LINC00632: variants seen among roughly 807,000 people sequenced by gnomAD.
The protein encoded by LINC00632 is ALDOA related specific transcript.
At chrX:140,740,560 C>T (rs181964111) in intron 3 of LINC00632, among the ~76,000 whole-genome samples, 1 of 108,622 alleles carries the variant, frequency 9.2e-6, no homozygotes, top group East Asian at 2.9e-4. Flanking sequence ...TTTTTTGCAA[C>T]GAGAAGAATA....
chrX:140,790,073 G>A (rs970590523), exon 5 of LINC00632, among the ~76,000 whole-genome samples: 3 of 110,787 alleles, frequency 2.7e-5, no homozygotes, highest in African/African-American at 9.8e-5. Context: ...TTGAGATATC[G>A]TCTTTCTGTG....
chrX:140,720,682 T>C (rs1026827922), intron 2 of LINC00632, among the ~76,000 whole-genome samples: 1 of 112,173 alleles, frequency 8.9e-6, no homozygotes, highest in African/African-American at 3.2e-5. Context: ...TTATCGGACA[T>C]GTCCGTATAT....
chrX:140,762,953 G>A (rs896161024), intron 3 of LINC00632, among the ~76,000 whole-genome samples: 1 of 112,078 alleles, frequency 8.9e-6, no homozygotes, highest in Non-Finnish European at 1.9e-5. Context: ...CAGATTAGCA[G>A]TCTCCTTAAT....
chrX:140,756,132 A>G (rs762376767), intron 3 of LINC00632, among the ~76,000 whole-genome samples: 2 of 112,109 alleles, frequency 1.8e-5, no homozygotes, highest in African/African-American at 6.5e-5. Flanking sequence ...CTATTAAGTC[A>G]TCAAAGAGAC....
exon 5 of LINC00632, among the ~76,000 whole-genome samples, chrX:140,776,689 G>A (rs1931877133): frequency 8.9e-6 from 1 of 111,833 alleles, no homozygotes; most frequent in East Asian, 2.8e-4. Flanking sequence ...TTACACTGTC[G>A]GTGGGAGTGT....
chrX:140,764,357 G>C (rs1334402318), intron 3 of LINC00632, among the ~76,000 whole-genome samples: 6 of 100,373 alleles, frequency 6.0e-5, no homozygotes, highest in African/African-American at 1.8e-4. Flanking sequence ...GAGTGGGGCG[G>C]GGGCGGGGGT....
chrX:140,755,928 A>G (rs779158855), intron 3 of LINC00632, among the ~76,000 whole-genome samples: 16 of 111,474 alleles, frequency 1.4e-4, no homozygotes, highest in Non-Finnish European at 2.8e-4. Flanking sequence ...ATATAAATAA[A>G]TTTTACTAAA....
At chrX:140,768,627 A>C (rs1269774509) in intron 3 of LINC00632, among the ~76,000 whole-genome samples, 4 of 67,448 alleles carry the variant, frequency 5.9e-5, no homozygotes, top group Admixed American at 1.8e-4. Context: ...CATAATAAAT[A>C]TATATACTAT....
At chrX:140,758,372 CTTTTTTTT>C (rs35668777) in intron 3 of LINC00632, among the ~76,000 whole-genome samples, 1 of 69,809 alleles carries the variant, frequency 1.4e-5, no homozygotes, top group Non-Finnish European at 2.8e-5. Flanking sequence ...CTACATTTTC[CTTTTTTTT>C]TTTTTTTTTT....
intron 3 of LINC00632, among the ~76,000 whole-genome samples, chrX:140,768,695 T>TA (rs2012697462): frequency 1.0e-5 from 1 of 97,853 alleles, no homozygotes; most frequent in Non-Finnish European, 2.0e-5. Flanking sequence ...ATATAATATA[T>TA]TTATTATATA....
At chrX:140,778,578 CT>C (rs2148403793) in exon 5 of LINC00632, among the ~76,000 whole-genome samples, 1 of 105,588 alleles carries the variant, frequency 9.5e-6, no homozygotes, top group South Asian at 4.4e-4. Flanking sequence ...GCACTCCAGC[CT>C]GGCAACAGGA....
chrX:140,726,963 G>A (rs768863052), intron 2 of LINC00632, among the ~76,000 whole-genome samples: 2 of 111,363 alleles, frequency 1.8e-5, no homozygotes, highest in South Asian at 3.8e-4. Flanking sequence ...AAACAGACTT[G>A]CCCCACTCTG....
chrX:140,759,005 C>T (rs1931543496), intron 3 of LINC00632, among the ~76,000 whole-genome samples: 1 of 99,518 alleles, frequency 1.0e-5, no homozygotes, highest in Admixed American at 1.1e-4. Flanking sequence ...GCTGTTGTTG[C>T]CCAGGCTGGA....
exon 5 of LINC00632, among the ~76,000 whole-genome samples, chrX:140,781,302 G>A (rs1394800070): frequency 9.0e-6 from 1 of 111,309 alleles, no homozygotes; most frequent in African/African-American, 3.3e-5. Flanking sequence ...CCTGAGAAGA[G>A]CCTACCAAGC....
At position 140,718,768 on chromosome X, in the gene LINC00632, C is replaced by T. The variant is rs762626875; in HGVS notation, n.104+7112C>T. 3.6e-5 allele frequency among the ~76,000 whole-genome samples: 4 copies of T among 112,058 alleles called. No homozygotes were observed. In the South Asian group the frequency reaches 1.5e-3, roughly 41 times the overall value. ...TCTATCATATAGAGTTTCTGCATAA[C>T]ACCTAGACTTATCACACAACAGCTA... On this transcript the variant is annotated intron_variant and non_coding_transcript_variant, in intron 2 of 4. Transcript: ENST00000648200.
At chrX:140,783,424 G>A in exon 5 of LINC00632, 1 of 585,494 alleles carries the variant, frequency 1.7e-6, no homozygotes, top group South Asian at 3.5e-5. Context: ...AGATCTTCCA[G>A]GAAAATCCAC....
chrX:140,722,226 C>T (rs892397517), intron 2 of LINC00632, among the ~76,000 whole-genome samples: 7 of 110,297 alleles, frequency 6.3e-5, no homozygotes, highest in Non-Finnish European at 1.3e-4. Flanking sequence ...AATTAATACC[C>T]GCAATAAACA....
chrX:140,758,577 C>T (rs5953513), intron 3 of LINC00632, among the ~76,000 whole-genome samples: 2,077 of 111,085 alleles, frequency 0.019, 42 homozygotes, highest in African/African-American at 0.065. Flanking sequence ...AGGGTTTCGC[C>T]GTGTTGGCCA....
At chrX:140,726,506 G>A (rs769555758) in intron 2 of LINC00632, among the ~76,000 whole-genome samples, 1 of 111,687 alleles carries the variant, frequency 9.0e-6, no homozygotes, top group Non-Finnish European at 1.9e-5. Flanking sequence ...AGCACAACAC[G>A]TAGATTTGCC....
Sources: allele counts gnomAD v4.1 joint callset (sites outside exome capture counted in the v4.1 genomes callset), GRCh38; gene constraint gnomAD v4.1.1; transcripts MANE v1.5; gene names NCBI Gene and HGNC (gene_info 2026-07-23, HGNC 2026-07-21).